The following NR5A2 variants were observed in gnomAD, a reference collection of about 807,000 sequenced individuals.
The protein encoded by NR5A2 is CYP7A promoter-binding factor.
A neutral mutation model predicts 62.7 loss-of-function variants in NR5A2; 26 were observed. The ratio of observed to expected loss-of-function variants is 0.41; its 90% CI spans 0.30 to 0.58. NR5A2 has a LOEUF of 0.58. Ranked by LOEUF, NR5A2 falls within the 20% of genes least tolerant of loss-of-function variation. The pLI is 0.22. For synonymous variants in NR5A2, 246 were observed against 241.7 expected (o/e 1.02, Z -0.16); for missense variants, 541 against 669.1 (o/e 0.81, Z 2.11).
chr1:200,116,101 C>T (rs1317798840), intron 6 of NR5A2, among the ~76,000 whole-genome samples: 8 of 151,980 alleles, frequency 5.3e-5, no homozygotes, highest in Non-Finnish European at 4.4e-5. Context: ...TTGAGATTGG[C>T]AAATAGGAAT....
At chr1:200,090,904 A>T (rs918417433) in intron 5 of NR5A2, among the ~76,000 whole-genome samples, 1 of 152,196 alleles carries the variant, frequency 6.6e-6, no homozygotes, top group African/African-American at 2.4e-5. Context: ...CTGGAGTGCG[A>T]TGGAAATTCC....
chr1:200,093,182 G>T (rs1473484211), intron 5 of NR5A2, among the ~76,000 whole-genome samples: 1 of 152,110 alleles, frequency 6.6e-6, no homozygotes, highest in Non-Finnish European at 1.5e-5. Flanking sequence ...GGGATTACAG[G>T]CATGAGCCAC....
chr1:200,175,792 G>A lies in NR5A2; in HGVS notation c.*1582G>A, dbSNP rs1225183683. On this transcript the variant is annotated 3_prime_UTR_variant, in exon 8 of 8. Transcript: ENST00000367362. The stretch of plus-strand genomic sequence containing the variant: ...AAATCAAAAACGGGAATCTCATTTA[G>A]ACTTTAATTTTTTTGAGATTATCGG... 6.6e-6 allele frequency: 1 copy of A among 152,496 alleles called. No homozygotes were observed. The highest frequency in any genetic ancestry group is 6.6e-5 in the Admixed American group (1 of 15,264). 9.4% of individuals were successfully genotyped at this position (152,496 alleles called of 1,614,324 possible). A position where few individuals can be genotyped will look rare whatever the true frequency, so the allele number is the denominator to read the frequency against.
At chr1:200,114,039 C>T (rs1158826740) in intron 6 of NR5A2, among the ~76,000 whole-genome samples, 3 of 151,944 alleles carry the variant, frequency 2.0e-5, no homozygotes, top group Non-Finnish European at 1.5e-5. Context: ...AAAAATTAGC[C>T]TGGCATGGTG....
At chr1:200,168,665 G>A (rs867507815) in intron 7 of NR5A2, among the ~76,000 whole-genome samples, 8 of 152,226 alleles carry the variant, frequency 5.3e-5, no homozygotes, top group Middle Eastern at 3.4e-3. Context: ...GCTGGAAACT[G>A]GAGACAGAAT....
chr1:200,060,773 T>C (rs185632780), intron 5 of NR5A2, among the ~76,000 whole-genome samples: 70 of 152,142 alleles, frequency 4.6e-4, no homozygotes, highest in African/African-American at 1.6e-3. Flanking sequence ...TTCACGTATG[T>C]GTCCTGGGAA....
rs1458904303 is a variant in NR5A2, at chr1:200,043,868, G to T, written c.297G>T (p.Gly99=). ...CGDKVSGYHY[G]LLTCESCKGF... Reference sequence around the variant, plus strand: ...ATAAAGTGTCTGGGTACCATTATGGGCTCCTCACCTGTGAAAGCTGCAAGG... The same window carrying T: ...ATAAAGTGTCTGGGTACCATTATGGTCTCCTCACCTGTGAAAGCTGCAAGG... The change falls in exon 3 of 8, where the codon GGG becomes GGT. Residue 99 remains glycine, a synonymous_variant. Transcript: ENST00000367362. The T allele has an allele frequency of 1.2e-6, 2 of 1,612,426 alleles. No individual in the cohort carries two copies. The highest frequency in any genetic ancestry group is 3.3e-5 in the Admixed American group (2 of 59,934).
chr1:200,065,050 G>A (rs906665527), intron 5 of NR5A2, among the ~76,000 whole-genome samples: 8 of 152,080 alleles, frequency 5.3e-5, no homozygotes, highest in Non-Finnish European at 1.0e-4. Flanking sequence ...CTCCCGAAGT[G>A]TTGGGGTTAC....
chr1:200,108,890 C>T (rs569149472), intron 5 of NR5A2, among the ~76,000 whole-genome samples: 2 of 152,206 alleles, frequency 1.3e-5, no homozygotes, highest in Non-Finnish European at 2.9e-5. Flanking sequence ...TAGGCCACAG[C>T]TCCTTGGGTC....
chr1:200,040,166 TACTGTACTTCA>T, intron 2 of NR5A2, among the ~76,000 whole-genome samples: 1 of 152,316 alleles, frequency 6.6e-6, no homozygotes, highest in Admixed American at 6.5e-5. Flanking sequence ...AATTGGTGTG[TACTGTACTTCA>T]ACCAGTACTC....
At chr1:200,066,773 A>G (rs1021211404) in intron 5 of NR5A2, among the ~76,000 whole-genome samples, 1 of 151,956 alleles carries the variant, frequency 6.6e-6, no homozygotes, top group Admixed American at 6.5e-5. Flanking sequence ...TTTTTAGTAG[A>G]GACAGGGTTT....
At chr1:200,097,803 TATC>T (rs1665170596) in intron 5 of NR5A2, among the ~76,000 whole-genome samples, 1 of 152,170 alleles carries the variant, frequency 6.6e-6, no homozygotes, top group Non-Finnish European at 1.5e-5. Flanking sequence ...GGCAGTATAG[TATC>T]ATAGCCTGCA....
At chr1:200,032,136 C>T (rs1280567624) in intron 1 of NR5A2, among the ~76,000 whole-genome samples, 2 of 152,202 alleles carry the variant, frequency 1.3e-5, no homozygotes, top group Non-Finnish European at 2.9e-5. Context: ...TAGAGTCTAC[C>T]TTAGGATAGA....
In NR5A2 at chr1:200,048,872, A is replaced by C; in HGVS notation, c.1110+54A>C. Reference sequence around the variant, plus strand: ...CACCCCTTTTAAGAGAGACCTAACTATGTTCCTAATTAATACATTCTTGGT... The same window carrying C: ...CACCCCTTTTAAGAGAGACCTAACTCTGTTCCTAATTAATACATTCTTGGT... On this transcript the variant is annotated intron_variant, in intron 5 of 7. Coordinates refer to ENST00000367362, the MANE Select transcript of NR5A2 (RefSeq NM_205860.3). This position sits in a 1 kb window ranked among gnomAD's most constrained non-coding sequence, Gnocchi z 4.8. 1 of 1,572,648 alleles carries C rather than the reference A, an allele frequency of 6.4e-7. No individual in the cohort carries two copies. The highest frequency in any genetic ancestry group is 1.7e-5 in the Admixed American group (1 of 57,316).
Position 200,174,006 on chromosome 1 carries a change from G to A in NR5A2, c.1422G>A (p.Gln474=). The change falls in exon 8 of 8, where the codon CAG becomes CAA. Residue 474 remains glutamine (Q), a synonymous_variant. Transcript: ENST00000367362. ...ACTTCCAGCTGGTAGAAGGTGTCCAGGAACAAGTCAATGCCGCCCTGCTGG... is the reference window on the plus strand; with the variant it reads ...ACTTCCAGCTGGTAGAAGGTGTCCAAGAACAAGTCAATGCCGCCCTGCTGG... ...LENFQLVEGV[Q]EQVNAALLDY... 1 of 1,584,298 alleles carries A rather than the reference G, an allele frequency of 6.3e-7. No individual in the cohort carries two copies. The highest frequency in any genetic ancestry group is 8.6e-7 in the Non-Finnish European group (1 of 1,164,436).
At chr1:200,145,221 A>G (rs1667634252) in intron 7 of NR5A2, among the ~76,000 whole-genome samples, 1 of 152,120 alleles carries the variant, frequency 6.6e-6, no homozygotes, top group South Asian at 2.1e-4. Context: ...GAGGCAGGAG[A>G]ATCGCCTGAA....
At position 200,058,935 on chromosome 1, in the gene NR5A2, C is replaced by A. The variant is rs573441981; in HGVS notation, c.1110+10117C>A. ...GACCAGCCTGGCCAACATGGTGAAA[C>A]CCCTTCTCTACAAAAATTATGAAAA... On this transcript the variant is annotated intron_variant, in intron 5 of 7. Coordinates refer to ENST00000367362, the MANE Select transcript of NR5A2 (RefSeq NM_205860.3). Among the ~76,000 whole-genome samples, 203 of 151,168 alleles carry A rather than the reference C, an allele frequency of 1.3e-3. 1 individual carries two copies. Among genetic ancestry groups the A allele is most frequent in the African/African-American group, 4.7e-3 (193 of 41,246 alleles).
Position 200,147,778 on chromosome 1 carries a change from A to T in NR5A2, c.1379-26185A>T, listed in dbSNP as rs557177318. On this transcript the variant is annotated intron_variant, in intron 7 of 7. Transcript: ENST00000367362. The surrounding 1 kb of genome is among the most constrained non-coding windows in gnomAD (Gnocchi z 4.9). The stretch of plus-strand genomic sequence containing the variant: ...GATGCCGGCGCGAATGCCGGCACGG[A>T]TGCCGGCACGGTGGGCAGCCGCCGT... 42 of 247,146 alleles carry T rather than the reference A, an allele frequency of 1.7e-4. No homozygotes were observed. In the African/African-American group the frequency reaches 4.4e-3, roughly 26 times the overall value. The allele number at this position is 247,146 out of a possible 1,614,324, so 15.3% of individuals were successfully genotyped here. A position where few individuals can be genotyped will look rare whatever the true frequency, so the allele number is the denominator to read the frequency against.
chr1:200,124,639 GATAAAA>G (rs1666622588), intron 7 of NR5A2, among the ~76,000 whole-genome samples: 1 of 152,106 alleles, frequency 6.6e-6, no homozygotes, highest in African/African-American at 2.4e-5. Context: ...AATGTTTACT[GATAAAA>G]ATAAATAAAT....
Sources: gnomAD v4.1 joint callset for allele counts (sites outside exome capture counted in the v4.1 genomes callset) on GRCh38, gnomAD v4.1.1 for gene constraint, Gnocchi (gnomAD v3.1) non-coding constraint, MANE v1.5 for transcripts, NCBI Gene and HGNC (gene_info 2026-07-23, HGNC 2026-07-21) for gene names.